Variants in EIF4G2 observed in about 807,000 individuals in gnomAD.
The protein encoded by EIF4G2 is DAP-5.
Under a neutral mutation model 117.7 loss-of-function variants are expected in EIF4G2, and 8 were observed. That is an observed-to-expected ratio of 0.07 (90% CI 0.04 to 0.12). EIF4G2 has a LOEUF of 0.12. Among genes scored for constraint, EIF4G2 ranks in the 10% least tolerant of loss-of-function variants. The pLI is 1.00. For missense variants in EIF4G2, 812 were observed against 1,086.2 expected (o/e 0.75, Z 3.55); for synonymous variants, 413 against 367.8 (o/e 1.12, Z -1.41).
At chr11:10,804,468 C>A in intron 5 of EIF4G2, 50 bp from the exon 6 acceptor site, 2 of 1,528,780 alleles carry the variant, frequency 1.3e-6, no homozygotes, top group Non-Finnish European at 1.8e-6. Flanking sequence ...TCTCCAAGAA[C>A]CCTTCCTTTA....
Position 10,807,400 on chromosome 11 carries a change from C to T in EIF4G2, c.-86-19G>A, listed in dbSNP as rs1369414270. ...GAAATACCTGGAACGAGAAAGAGCACCAAAATTAGACACTGCTAACATACA... is the reference window on the plus strand; with the variant it reads ...GAAATACCTGGAACGAGAAAGAGCATCAAAATTAGACACTGCTAACATACA... On this transcript the variant is annotated intron_variant, in intron 1 of 21. Coordinates refer to ENST00000339995, the MANE Select transcript of EIF4G2 (RefSeq NM_001418.4). 4 of 1,585,668 alleles carry T rather than the reference C, an allele frequency of 2.5e-6. No homozygotes were observed. The highest frequency in any genetic ancestry group is 3.4e-6 in the Non-Finnish European group (4 of 1,173,050).
intron 11 of EIF4G2, 62 bp from the exon 12 acceptor site, chr11:10,802,497 A>G: frequency 6.8e-7 from 1 of 1,478,078 alleles, no homozygotes; most frequent in Non-Finnish European, 9.0e-7. Flanking sequence ...TAAAACTAAA[A>G]TTCTTGCAAC....
At chr11:10,801,820 C>G in intron 13 of EIF4G2, 46 bp from the exon 14 acceptor site, 1 of 1,558,214 alleles carries the variant, frequency 6.4e-7, no homozygotes, top group Non-Finnish European at 8.8e-7. Context: ...AAGGGGTCCA[C>G]AAATTATGGT....
At chr11:10,806,988 T>G in intron 2 of EIF4G2, 103 bp from the exon 3 acceptor site, 1 of 1,394,262 alleles carries the variant, frequency 7.2e-7, no homozygotes, top group Admixed American at 1.8e-5. Flanking sequence ...GATGGGGGTC[T>G]CGCTATTTTG....
At chr11:10,806,699 C>T (rs1016939441) in intron 3 of EIF4G2, 121 bp downstream of exon 3, 2 of 1,106,456 alleles carry the variant, frequency 1.8e-6, no homozygotes, top group African/African-American at 1.5e-5. Context: ...GGATACCCAA[C>T]AGAAACCACG....
Position 10,800,419 on chromosome 11 carries a change from T to C in EIF4G2, c.1860+13A>G, listed in dbSNP as rs1438704945. ...GTAAGAGTTCTTACCACACAATCAG[T>C]AAAGTGTCCTACCTGCATGAAGTTG... On this transcript the variant is annotated intron_variant, in intron 17 of 21. Transcript: ENST00000339995. 2.5e-6 allele frequency: 4 copies of C among 1,613,894 alleles called. No individual in the cohort carries two copies. The highest frequency in any genetic ancestry group is 1.6e-4 in the Middle Eastern group (1 of 6,084).
rs1847305657 is a variant in EIF4G2, at chr11:10,797,982, G to T, written c.2659-101C>A. 1.9e-6 allele frequency: 2 copies of T among 1,030,876 alleles called. No homozygotes were observed. Among genetic ancestry groups the T allele is most frequent in the African/African-American group, 1.6e-5 (1 of 62,790 alleles). The allele number at this position is 1,030,876 out of a possible 1,614,324, so 63.9% of individuals were successfully genotyped here. On this transcript the variant is annotated intron_variant, in intron 21 of 21. Coordinates refer to ENST00000339995, the MANE Select transcript of EIF4G2 (RefSeq NM_001418.4). This position sits in a 1 kb window ranked among gnomAD's most constrained non-coding sequence, Gnocchi z 4.5. ...TACACAGTTTTAGAATATGAAACAA[G>T]GATATCCCTACCAACAATTTGTATA... is the stretch of plus-strand genomic sequence containing the variant.
intron 3 of EIF4G2, chr11:10,806,616 T>C (rs1847578445): frequency 5.6e-6 from 3 of 535,662 alleles, no homozygotes; most frequent in Admixed American, 6.5e-5. Flanking sequence ...AGGAAAAAAA[T>C]AACAGCTTGA....
At position 10,800,186 on chromosome 11, in the gene EIF4G2, G is replaced by A. The variant is rs756119421; in HGVS notation, c.2023C>T (p.Leu675=). The change falls in exon 18 of 22, where the codon CTA becomes TTA. Residue 675 remains leucine (L), a synonymous_variant. Transcript: ENST00000339995. The stretch of plus-strand genomic sequence containing the variant: ...TTAGCTAACTGCTGAAGACAAAGTA[G>A]GAAGAGAGGAAAATGGGTGCCACTT... The A allele has an allele frequency of 1.9e-6, 3 of 1,614,150 alleles. No individual in the cohort carries two copies. Among genetic ancestry groups the A allele is most frequent in the Non-Finnish European group, 2.5e-6 (3 of 1,180,018 alleles).
Position 10,806,054 on chromosome 11 carries a change from A to G in EIF4G2, c.108-7T>C, listed in dbSNP as rs769504420. On this transcript the variant is annotated splice_region_variant and splice_polypyrimidine_tract_variant and intron_variant, in intron 3 of 21. Coordinates refer to ENST00000339995, the MANE Select transcript of EIF4G2 (RefSeq NM_001418.4). ...GGTTTTCCCCAGGAACTCGCTGATTAATAAAAATCAGCAAAAACACTTATT... is the reference window on the plus strand; with the variant it reads ...GGTTTTCCCCAGGAACTCGCTGATTGATAAAAATCAGCAAAAACACTTATT... The G allele has an allele frequency of 6.2e-7, 1 of 1,614,176 alleles. No homozygotes were observed.
chr11:10,801,774 C>G lies in EIF4G2; in HGVS notation c.1300G>C (p.Gly434Arg). 6.2e-7 allele frequency: 1 copy of G among 1,612,012 alleles called. No individual in the cohort carries two copies. Among genetic ancestry groups the G allele is most frequent in the Non-Finnish European group, 8.5e-7 (1 of 1,179,404 alleles). Residue 434 changes from glycine (G) to arginine (R), a missense_variant and splice_region_variant, in exon 14 of 22, where the codon GGG (glycine) becomes CGG (arginine). Physicochemically the swap from Gly to Arg is moderately radical, Grantham distance 125 (BLOSUM62 -2). Around this residue, in one of 4 missense-constraint regions of EIF4G2, gnomAD observed 571 missense variants for 642.3 expected, o/e 0.89. Coordinates refer to ENST00000339995, the MANE Select transcript of EIF4G2 (RefSeq NM_001418.4). ...TGGTTATGGTAGAGCTGGCTTAGCC[C>G]CTATTTCAGAAAAGGAGAAAGAAAG...
At chr11:10,801,593 T>A in intron 14 of EIF4G2, 68 bp downstream of exon 14, 1 of 1,403,822 alleles carries the variant, frequency 7.1e-7, no homozygotes, top group Non-Finnish European at 1.0e-6. Flanking sequence ...CGCGTCTTTT[T>A]ATAATCATCG....
Position 10,798,758 on chromosome 11 carries a change from G to C in EIF4G2, c.2658+234C>G, listed in dbSNP as rs1590038187. ...ACAGTCACTCCCATGTATATAAGTA[G>C]CTATACTCCTTGAAAAGTTAGCTAC... On this transcript the variant is annotated intron_variant, in intron 21 of 21. Coordinates refer to ENST00000339995, the MANE Select transcript of EIF4G2 (RefSeq NM_001418.4). 1.6e-5 allele frequency: 7 copies of C among 431,012 alleles called. No homozygotes were observed. The East Asian group carries it at 2.8e-4, about 17-fold the overall frequency. 26.7% of individuals were successfully genotyped at this position (431,012 alleles called of 1,614,324 possible). A position where few individuals can be genotyped will look rare whatever the true frequency, so the allele number is the denominator to read the frequency against.
In EIF4G2 at chr11:10,807,352, G is replaced by C; in HGVS notation, c.-57C>G. On this transcript the variant is annotated 5_prime_UTR_variant, in exon 2 of 22. Coordinates refer to ENST00000339995, the MANE Select transcript of EIF4G2 (RefSeq NM_001418.4). ...AGAATAATATTAATAGATGGGGTGG[G>C]GAGGGGAGGGGACAGGAGAAATGAA... 2 of 1,608,410 alleles carry C rather than the reference G, an allele frequency of 1.2e-6. No homozygotes were observed. Among genetic ancestry groups the C allele is most frequent in the Non-Finnish European group, 1.7e-6 (2 of 1,177,736 alleles).
rs754439151 is a variant in EIF4G2 at position 10,799,206 on chromosome 11, C to G, written c.2536+7G>C. The G allele has an allele frequency of 6.2e-7, 1 of 1,613,714 alleles. No homozygotes were observed. Among genetic ancestry groups the G allele is most frequent in the African/African-American group, 1.3e-5 (1 of 74,852 alleles). On this transcript the variant is annotated splice_region_variant and intron_variant, in intron 20 of 21. Transcript: ENST00000339995. ...TCACGCCGTTCTTCTGATACAAGTC[C>G]TCTCACCTTTTGGGAAGTTGCTGTT...
At position 10,808,883 on chromosome 11, in the gene EIF4G2, C is replaced by T. The variant is rs1367902325; in HGVS notation, c.-265G>A. 6.4e-6 allele frequency: 1 copy of T among 157,376 alleles called. No individual in the cohort carries two copies. The highest frequency in any genetic ancestry group is 1.5e-4 in the South Asian group (1 of 6,594). 9.7% of individuals were successfully genotyped at this position (157,376 alleles called of 1,614,324 possible). ...AGGAGTCGCTGCTGCAGCCGCCACT[C>T]GGTACCCGCTGCCACCTCCATAGAG... On this transcript the variant is annotated 5_prime_UTR_variant, in exon 1 of 22. Transcript: ENST00000339995.
chr11:10,801,561 C>T (rs1448816679), intron 14 of EIF4G2, 100 bp downstream of exon 14: 7 of 1,050,152 alleles, frequency 6.7e-6, no homozygotes, highest in African/African-American at 1.6e-5. Context: ...TCAAGAACTC[C>T]AGCATAAAGT....
chr11:10,798,176 A>G (rs966044755), intron 21 of EIF4G2, among the ~76,000 whole-genome samples: 3 of 152,210 alleles, frequency 2.0e-5, no homozygotes, highest in African/African-American at 7.2e-5. Flanking sequence ...GAAAACTAGT[A>G]GCATGAGAAA....
chr11:10,798,906 G>A, intron 21 of EIF4G2, 86 bp downstream of exon 21: 1 of 1,495,074 alleles, frequency 6.7e-7, no homozygotes, highest in Non-Finnish European at 9.0e-7. Context: ...TACCTTGCCT[G>A]TATTTCAGTT....
Sources: gnomAD v4.1 joint callset for allele counts (sites outside exome capture counted in the v4.1 genomes callset) on GRCh38, gnomAD v4.1.1 for gene constraint, gnomAD v4.1.1 regional missense constraint, Gnocchi (gnomAD v3.1) non-coding constraint, MANE v1.5 for transcripts, NCBI Gene and HGNC (gene_info 2026-07-23, HGNC 2026-07-21) for gene names.